CDYL: variants seen among roughly 807,000 people sequenced by gnomAD.
The protein encoded by CDYL is chromodomain Y like.
CDYL carries 8 observed loss-of-function variants against 47.3 expected under a neutral mutation model. The observed-to-expected ratio is 0.17, with a 90% CI of 0.10 to 0.31. The LOEUF (loss-of-function observed/expected upper bound fraction) is 0.31. CDYL is among the 10% of genes least tolerant of loss of function. CDYL has a pLI of 1.00. For synonymous variants in CDYL, 266 were observed against 265.0 expected, an observed-to-expected ratio of 1.00 and a Z score of -0.04; for missense variants, 471 against 701.4, an observed-to-expected ratio of 0.67 and a Z score of 3.71.
At chr6:4,931,085 G>A (rs1758022164) in intron 2 of CDYL, among the ~76,000 whole-genome samples, 1 of 152,172 alleles carries the variant, frequency 6.6e-6, no homozygotes, top group South Asian at 2.1e-4. Flanking sequence ...TGTGACACTT[G>A]GCCAGTCACT....
At chr6:4,802,651 A>C (rs1759257612) in intron 1 of CDYL, among the ~76,000 whole-genome samples, 1 of 152,120 alleles carries the variant, frequency 6.6e-6, no homozygotes. Context: ...TACTAGGGTG[A>C]GTATAGCTTG....
chr6:4,906,836 C>T lies in CDYL; in HGVS notation c.691+14457C>T, dbSNP rs200773546. On this transcript the variant is annotated intron_variant, in intron 2 of 6. Transcript: ENST00000397588. ...GGAGGTTGCCCTAGTAAAATTTCTA[C>T]TTGCAAAGTCTTCCACGTGCCATTT... Among the ~76,000 whole-genome samples, 16 of 151,728 alleles carry T rather than the reference C, an allele frequency of 1.1e-4. 1 individual carries two copies. The East Asian group carries it at 1.9e-3, about 18-fold the overall frequency.
intron 1 of CDYL, among the ~76,000 whole-genome samples, chr6:4,882,156 A>G (rs1352605654): frequency 6.6e-6 from 1 of 152,172 alleles, no homozygotes; most frequent in East Asian, 1.9e-4. Context: ...ACATTGATCC[A>G]TGACTCAAGA....
chr6:4,797,713 C>A (rs1759114309), intron 1 of CDYL, among the ~76,000 whole-genome samples: 1 of 152,218 alleles, frequency 6.6e-6, no homozygotes, highest in Non-Finnish European at 1.5e-5. Flanking sequence ...TGACTTCTTT[C>A]ACTTAGCAGA....
intron 1 of CDYL, among the ~76,000 whole-genome samples, chr6:4,819,850 G>T (rs1457868788): frequency 6.6e-6 from 1 of 151,920 alleles, no homozygotes; most frequent in Admixed American, 6.5e-5. Context: ...ATCCTGCCAT[G>T]CATAGGATGG....
intron 2 of CDYL, among the ~76,000 whole-genome samples, chr6:4,720,548 T>A (rs533697041): frequency 1.6e-4 from 24 of 152,318 alleles, no homozygotes; most frequent in African/African-American, 5.3e-4. Context: ...ATAGAAAATG[T>A]AAAGATACTA....
At chr6:4,766,181 T>C (rs1158624221) in intron 3 of CDYL, among the ~76,000 whole-genome samples, 1 of 152,138 alleles carries the variant, frequency 6.6e-6, no homozygotes, top group Admixed American at 6.6e-5. Flanking sequence ...CAGAAAGAAA[T>C]AGAAATCCTG....
intron 1 of CDYL, among the ~76,000 whole-genome samples, chr6:4,858,123 G>A (rs74445835): frequency 1.1e-3 from 171 of 151,782 alleles, no homozygotes; most frequent in Admixed American, 2.6e-3. Context: ...AGTTCAACTA[G>A]GAGCCTTGTT....
In CDYL at chr6:4,891,937, C is replaced by G. The variant is rs200764082; in HGVS notation, c.249C>G (p.Ile83Met). Residue 83 changes from isoleucine to methionine, a missense_variant, in exon 2 of 7, where the codon ATC (isoleucine) becomes ATG (methionine). Ile to Met is a conservative substitution (Grantham distance 10). This residue lies in a region of CDYL where 311 missense variants were observed against 350.0 expected (regional missense o/e 0.89). Coordinates refer to ENST00000397588, the MANE Select transcript of CDYL (RefSeq NM_004824.4). Reference protein sequence around the residue: ...RTSPNNARKQISRSTNSNFSK... With the variant: ...RTSPNNARKQMSRSTNSNFSK... ...CTCCCAACAATGCTAGGAAACAAAT[C>G]TCCAGATCCACCAACAGCAACTTTT... 1.9e-6 allele frequency: 3 copies of G among 1,614,156 alleles called. No homozygotes were observed. The highest frequency in any genetic ancestry group is 2.5e-6 in the Non-Finnish European group (3 of 1,180,028).
chr6:4,937,848 C>A, intron 4 of CDYL, 111 bp downstream of exon 4: 2 of 763,052 alleles, frequency 2.6e-6, no homozygotes, highest in Non-Finnish European at 4.2e-6. Context: ...ACATCTTCTC[C>A]CATGGAGAGA....
intron 1 of CDYL, among the ~76,000 whole-genome samples, chr6:4,885,789 T>C (rs1761884412): frequency 6.6e-6 from 1 of 152,206 alleles, no homozygotes; most frequent in Non-Finnish European, 1.5e-5. Flanking sequence ...CCATTTAAAT[T>C]AGAGAATTCA....
At chr6:4,948,990 T>C (rs1415807279) in intron 5 of CDYL, among the ~76,000 whole-genome samples, 2 of 152,228 alleles carry the variant, frequency 1.3e-5, no homozygotes, top group African/African-American at 2.4e-5. Context: ...TTTCCCCACT[T>C]TGCATGTGCA....
intron 1 of CDYL, among the ~76,000 whole-genome samples, chr6:4,823,239 C>A (rs1759889049): frequency 6.6e-6 from 1 of 152,164 alleles, no homozygotes; most frequent in Non-Finnish European, 1.5e-5. Flanking sequence ...TTGATCTTAT[C>A]CATGATGGGT....
intron 1 of CDYL, among the ~76,000 whole-genome samples, chr6:4,868,671 TC>T (rs1761390015): frequency 6.6e-6 from 1 of 152,206 alleles, no homozygotes; most frequent in South Asian, 2.1e-4. Flanking sequence ...GTTCAAGTCT[TC>T]TATATCATTG....
intron 3 of CDYL, among the ~76,000 whole-genome samples, chr6:4,749,314 T>TGGATGGAC (rs1757949788): frequency 7.7e-6 from 1 of 130,292 alleles, no homozygotes; most frequent in African/African-American, 2.5e-5. Flanking sequence ...GATAGATGGA[T>TGGATGGAC]GGATGGATGG....
intron 5 of CDYL, among the ~76,000 whole-genome samples, chr6:4,946,174 G>A (rs998287602): frequency 1.1e-4 from 16 of 152,242 alleles, no homozygotes; most frequent in Admixed American, 9.2e-4. Context: ...GGTGGCCAGC[G>A]ACCACCAGCC....
At chr6:4,776,853 C>A in intron 1 of CDYL, 46 bp downstream of exon 1, 6 of 758,176 alleles carry the variant, frequency 7.9e-6, no homozygotes, top group Non-Finnish European at 9.5e-6. Context: ...GCCCGCCGCC[C>A]CTCCCGGCCC....
At chr6:4,846,601 C>T (rs1760666671) in intron 1 of CDYL, among the ~76,000 whole-genome samples, 1 of 152,020 alleles carries the variant, frequency 6.6e-6, no homozygotes, top group African/African-American at 2.4e-5. Context: ...TGATTTATTC[C>T]TGGTTGACTT....
chr6:4,935,110 C>G (rs976929074), intron 2 of CDYL, among the ~76,000 whole-genome samples: 1 of 152,160 alleles, frequency 6.6e-6, no homozygotes, highest in Non-Finnish European at 1.5e-5. Flanking sequence ...AAAGAAGTTT[C>G]GACTAGATGG....
Sources: gnomAD v4.1 joint callset for allele counts (sites outside exome capture counted in the v4.1 genomes callset) on GRCh38, gnomAD v4.1.1 for gene constraint, gnomAD v4.1.1 regional missense constraint, MANE v1.5 for transcripts, NCBI Gene and HGNC (gene_info 2026-07-23, HGNC 2026-07-21) for gene names.